Variants in LPAR6 observed in about 807,000 individuals in gnomAD.
LPAR6 encodes the protein lysophosphatidic acid receptor 6.
LPAR6 carries 17 observed loss-of-function variants against 22.0 expected under a neutral mutation model. The ratio of observed to expected loss-of-function variants is 0.77; its 90% CI spans 0.53 to 1.16. The LOEUF is 1.16. Among genes scored for constraint, LPAR6 ranks in the 50% most tolerant of loss-of-function variants. The pLI is 0.00. For synonymous variants in LPAR6, 136 were observed against 139.8 expected (o/e 0.97, Z 0.19); for missense variants, 384 against 406.9 (o/e 0.94, Z 0.48).
intron 1 of LPAR6, among the ~76,000 whole-genome samples, chr13:48,441,405 G>A (rs950719197): frequency 3.3e-5 from 5 of 152,066 alleles, no homozygotes; most frequent in African/African-American, 1.2e-4. Flanking sequence ...AATGACCAAC[G>A]GGTTTCCAAA....
intron 1 of LPAR6, among the ~76,000 whole-genome samples, chr13:48,432,361 A>G (rs1469540192): frequency 1.3e-5 from 2 of 150,174 alleles, no homozygotes; most frequent in African/African-American, 4.9e-5. Flanking sequence ...AAGATTCTAC[A>G]TTTCTGCTTC....
intron 1 of LPAR6, among the ~76,000 whole-genome samples, chr13:48,401,737 TG>T (rs1646792267): frequency 6.6e-6 from 1 of 152,192 alleles, no homozygotes. Context: ...ATTTAGAACA[TG>T]ATAAGGAAAC....
chr13:48,390,969 GA>G (rs2138158844), intron 1 of LPAR6, among the ~76,000 whole-genome samples: 1 of 152,162 alleles, frequency 6.6e-6, no homozygotes, highest in African/African-American at 2.4e-5. Context: ...TGTGACTATT[GA>G]TATGGTTGGG....
intron 1 of LPAR6, among the ~76,000 whole-genome samples, chr13:48,440,752 T>C (rs1949228949): frequency 6.6e-6 from 1 of 152,222 alleles, no homozygotes; most frequent in Admixed American, 6.5e-5. Context: ...ACATCTCTTA[T>C]ACTTGCTTAA....
upstream of LPAR6, among the ~76,000 whole-genome samples, chr13:48,428,596 C>T (rs1432751882): frequency 6.6e-6 from 1 of 152,196 alleles, no homozygotes; most frequent in Non-Finnish European, 1.5e-5. Flanking sequence ...AATGAGTAAG[C>T]TCTGCAGACT....
At chr13:48,394,998 T>C (rs182164085) in intron 1 of LPAR6, among the ~76,000 whole-genome samples, 1 of 152,258 alleles carries the variant, frequency 6.6e-6, no homozygotes, top group African/African-American at 2.4e-5. Flanking sequence ...ACAGGAGAGT[T>C]CCAGCTGCCA....
chr13:48,401,803 T>C (rs1347903063), intron 1 of LPAR6, among the ~76,000 whole-genome samples: 1 of 152,230 alleles, frequency 6.6e-6, no homozygotes, highest in Non-Finnish European at 1.5e-5. Flanking sequence ...AAGCCTTTTC[T>C]TACTTTGCTA....
intron 1 of LPAR6, among the ~76,000 whole-genome samples, chr13:48,398,280 C>T (rs149608865): frequency 2.0e-5 from 3 of 152,150 alleles, no homozygotes; most frequent in Admixed American, 6.5e-5. Flanking sequence ...ACCTTTCTCA[C>T]TCTGACCCAA....
At chr13:48,414,794 A>G (rs1948880097), upstream of LPAR6, among the ~76,000 whole-genome samples, 2 of 152,222 alleles carry the variant, frequency 1.3e-5, no homozygotes, top group South Asian at 4.1e-4. Context: ...AAAAAAGATG[A>G]GTATTACTTA....
intron 1 of LPAR6, among the ~76,000 whole-genome samples, chr13:48,437,325 T>A (rs1949193966): frequency 6.6e-6 from 1 of 152,218 alleles, no homozygotes; most frequent in Admixed American, 6.5e-5. Context: ...TAGAAAGAAA[T>A]ATACATATTT....
intron 1 of LPAR6, among the ~76,000 whole-genome samples, chr13:48,443,201 GACTT>G (rs963166499): frequency 1.3e-5 from 2 of 151,158 alleles, no homozygotes; most frequent in African/African-American, 4.8e-5. Context: ...TGTTTTGAAA[GACTT>G]AAAAAAAATG....
At chr13:48,430,067 A>T (rs944101780), upstream of LPAR6, among the ~76,000 whole-genome samples, 1 of 152,188 alleles carries the variant, frequency 6.6e-6, no homozygotes, top group African/African-American at 2.4e-5. Context: ...TAGCAGTTTC[A>T]TTTCTAAGAA....
intron 1 of LPAR6, among the ~76,000 whole-genome samples, chr13:48,393,200 C>T (rs1353601705): frequency 1.3e-5 from 2 of 152,194 alleles, no homozygotes; most frequent in Non-Finnish European, 2.9e-5. Flanking sequence ...ATGCACTGAT[C>T]AGTACTCAGC....
At chr13:48,404,804 T>C (rs1192944419) in intron 1 of LPAR6, among the ~76,000 whole-genome samples, 1 of 152,040 alleles carries the variant, frequency 6.6e-6, no homozygotes, top group African/African-American at 2.4e-5. Flanking sequence ...GAATTATAGG[T>C]GTGAGCCACC....
intron 1 of LPAR6, among the ~76,000 whole-genome samples, chr13:48,438,523 CA>C (rs1949205643): frequency 6.6e-6 from 1 of 151,952 alleles, no homozygotes; most frequent in Non-Finnish European, 1.5e-5. Flanking sequence ...TGGTACTTAG[CA>C]CTTTGTATTG....
intron 1 of LPAR6, among the ~76,000 whole-genome samples, chr13:48,404,933 G>A (rs547614052): frequency 6.6e-6 from 1 of 152,186 alleles, no homozygotes; most frequent in African/African-American, 2.4e-5. Context: ...GTTCTCATTA[G>A]GAATACTGGA....
At chr13:48,438,129 G>A (rs9535032) in intron 1 of LPAR6, among the ~76,000 whole-genome samples, 83,997 of 151,990 alleles carry the variant, frequency 0.55, 27,922 homozygotes, top group Non-Finnish European at 0.72. Context: ...ATCCTTCAGC[G>A]AGTTTATATT....
chr13:48,431,936 C>T (rs1272730993), intron 1 of LPAR6, among the ~76,000 whole-genome samples: 1 of 151,820 alleles, frequency 6.6e-6, no homozygotes, highest in Non-Finnish European at 1.5e-5. Flanking sequence ...TAACTGTGTA[C>T]CAGGTGCTTT....
At chr13:48,439,220 A>T (rs972358130) in intron 1 of LPAR6, among the ~76,000 whole-genome samples, 4 of 152,336 alleles carry the variant, frequency 2.6e-5, no homozygotes, top group African/African-American at 7.2e-5. Flanking sequence ...TCTATAAAAT[A>T]CACATATCTA....
Sources: allele counts gnomAD v4.1 joint callset (sites outside exome capture counted in the v4.1 genomes callset), GRCh38; gene constraint gnomAD v4.1.1; transcripts MANE v1.5; gene names NCBI Gene and HGNC (gene_info 2026-07-23, HGNC 2026-07-21).